Variants in SCN8A observed in about 807,000 individuals in gnomAD.
SCN8A encodes the protein sodium voltage-gated channel alpha subunit 8.
SCN8A carries 30 observed loss-of-function variants against 184.1 expected under a neutral mutation model. That is an observed-to-expected ratio of 0.16 (90% confidence interval 0.12 to 0.22). SCN8A has a LOEUF of 0.22. Ranked by LOEUF, SCN8A falls within the 10% of genes least tolerant of loss-of-function variation. The probability of loss-of-function intolerance (pLI) is 1.00; values close to 1 mark genes in which losing one functional copy is unlikely to be tolerated. For synonymous variants in SCN8A, 852 were observed against 907.0 expected, an observed-to-expected ratio of 0.94 and a Z score of 1.09; for missense variants, 1,057 against 2,498.9, an observed-to-expected ratio of 0.42 and a Z score of 12.30.
chr12:51,679,192 C>T (rs570552691), intron 2 of SCN8A, among the ~76,000 whole-genome samples: 2 of 152,196 alleles, frequency 1.3e-5, no homozygotes, highest in South Asian at 2.1e-4. Context: ...TGCATGAGGC[C>T]AGGAGTTCGA....
At chr12:51,733,441 T>A (rs992522780) in intron 12 of SCN8A, among the ~76,000 whole-genome samples, 5 of 152,200 alleles carry the variant, frequency 3.3e-5, no homozygotes, top group Non-Finnish European at 7.4e-5. Flanking sequence ...TAATGTGTTG[T>A]TGAACTTGGT....
At chr12:51,755,544 C>T (rs1418006734) in intron 14 of SCN8A, among the ~76,000 whole-genome samples, 1 of 151,958 alleles carries the variant, frequency 6.6e-6, no homozygotes, top group African/African-American at 2.4e-5. Context: ...GGCTGAGTAT[C>T]AGCTGAGGCA....
At chr12:51,767,147 C>G (rs1942850692) in intron 16 of SCN8A, among the ~76,000 whole-genome samples, 1 of 152,238 alleles carries the variant, frequency 6.6e-6, no homozygotes, top group African/African-American at 2.4e-5. Flanking sequence ...TTCCCTCAGT[C>G]CTAATCCCTC....
intron 1 of SCN8A, among the ~76,000 whole-genome samples, chr12:51,604,521 T>C (rs1490648389): frequency 1.3e-5 from 2 of 151,988 alleles, no homozygotes; most frequent in East Asian, 3.9e-4. Flanking sequence ...TAACGGGTTT[T>C]TGTTTCGTTT....
At chr12:51,724,862 T>C (rs550220778) in intron 12 of SCN8A, among the ~76,000 whole-genome samples, 1 of 152,356 alleles carries the variant, frequency 6.6e-6, no homozygotes, top group African/African-American at 2.4e-5. Flanking sequence ...TGTTTTTGTT[T>C]TTTTAGCACC....
At chr12:51,774,082 C>A (rs1942971195) in intron 19 of SCN8A, 107 bp from the exon 20 acceptor site, 3 of 846,338 alleles carry the variant, frequency 3.5e-6, no homozygotes, top group Non-Finnish European at 5.4e-6. Context: ...AGACAGGGAG[C>A]TGATGACAGG....
At chr12:51,776,115 G>A (rs1937685175) in intron 20 of SCN8A, among the ~76,000 whole-genome samples, 2 of 152,092 alleles carry the variant, frequency 1.3e-5, no homozygotes, top group African/African-American at 4.8e-5. Context: ...TCAGCCTCCC[G>A]AGTAGCTGGG....
At chr12:51,684,810 A>C (rs1227391659) in intron 3 of SCN8A, among the ~76,000 whole-genome samples, 1 of 152,208 alleles carries the variant, frequency 6.6e-6, no homozygotes, top group Non-Finnish European at 1.5e-5. Flanking sequence ...TTGTAGGATA[A>C]ATAGGAATTT....
chr12:51,770,348 T>C, intron 18 of SCN8A, 181 bp from the exon 19 acceptor site: 1 of 687,886 alleles, frequency 1.5e-6, no homozygotes, highest in South Asian at 2.1e-5. Context: ...CCCATTAGCC[T>C]TTGCAGCATA....
At chr12:51,784,014 G>A (rs953129307) in intron 21 of SCN8A, among the ~76,000 whole-genome samples, 2 of 152,200 alleles carry the variant, frequency 1.3e-5, no homozygotes, top group Admixed American at 6.5e-5. Flanking sequence ...GCAATGTAGA[G>A]TAACTAGAGA....
At chr12:51,648,251 G>T (rs1940634501) in intron 1 of SCN8A, among the ~76,000 whole-genome samples, 1 of 152,180 alleles carries the variant, frequency 6.6e-6, no homozygotes, top group Admixed American at 6.5e-5. Context: ...AAGAGCAGTG[G>T]TTATTCACAG....
intron 2 of SCN8A, among the ~76,000 whole-genome samples, chr12:51,681,375 A>G (rs1941329469): frequency 6.6e-6 from 1 of 152,128 alleles, no homozygotes; most frequent in Admixed American, 6.5e-5. Context: ...AGAGGATAAT[A>G]ATTCCTCCTT....
At chr12:51,649,612 C>T (rs1940666229) in intron 1 of SCN8A, among the ~76,000 whole-genome samples, 1 of 151,264 alleles carries the variant, frequency 6.6e-6, no homozygotes, top group Non-Finnish European at 1.5e-5. Flanking sequence ...GAAGCCTTGG[C>T]CCGAGCTCTA....
At chr12:51,732,259 CAG>C (rs749503333) in intron 12 of SCN8A, among the ~76,000 whole-genome samples, 2 of 152,126 alleles carry the variant, frequency 1.3e-5, no homozygotes, top group African/African-American at 4.8e-5. Context: ...TGGTGAAAGA[CAG>C]GGGACTAGTT....
intron 18 of SCN8A, 160 bp downstream of exon 18, chr12:51,770,145 A>G (rs1942902624): frequency 3.6e-5 from 23 of 631,068 alleles, no homozygotes; most frequent in South Asian, 3.6e-4. Context: ...TGTTTCCCCT[A>G]TTTGTATCTG....
intron 1 of SCN8A, among the ~76,000 whole-genome samples, chr12:51,661,458 C>T (rs1159327721): frequency 6.6e-6 from 1 of 152,160 alleles, no homozygotes; most frequent in Non-Finnish European, 1.5e-5. Flanking sequence ...CTCCAGAGAT[C>T]TGGAATCTCA....
intron 25 of SCN8A, among the ~76,000 whole-genome samples, chr12:51,791,886 CAAAAT>C (rs946879054): frequency 5.3e-5 from 8 of 151,770 alleles, no homozygotes; most frequent in Admixed American, 4.6e-4. Context: ...TCAAAAAATA[CAAAAT>C]AAAATAAAAT....
Position 51,780,679 on chromosome 12 carries a change from C to A in SCN8A, c.3850C>A (p.Leu1284Met). The change falls in exon 21 of 27, where the codon CTG becomes ATG. Residue 1284 changes from leucine (L) to methionine (M), a missense_variant. Coordinates refer to ENST00000627620, the MANE Select transcript of SCN8A (RefSeq NM_001330260.2). ...TTTAGTCAGCCTTATAGCTAATGCC[C>A]TGGGCTACTCGGAACTAGGTGCCAT... ...VSLVSLIANA[L>M]GYSELGAIKS... The A allele has an allele frequency of 6.4e-7, 1 of 1,564,758 alleles. No individual in the cohort carries two copies. Among genetic ancestry groups the A allele is most frequent in the South Asian group, 1.2e-5 (1 of 86,512 alleles).
At chr12:51,663,120 C>T (rs1940959213) in intron 2 of SCN8A, 27 bp downstream of exon 2, 1 of 1,609,698 alleles carries the variant, frequency 6.2e-7, no homozygotes, top group Non-Finnish European at 8.5e-7. Context: ...GGAGCAGCTG[C>T]AGATACCTGT....
Sources: allele counts gnomAD v4.1 joint callset (sites outside exome capture counted in the v4.1 genomes callset), GRCh38; gene constraint gnomAD v4.1.1; transcripts MANE v1.5; gene names NCBI Gene and HGNC (gene_info 2026-07-23, HGNC 2026-07-21).